CIITA: variants seen among roughly 807,000 people sequenced by gnomAD.
CIITA encodes class II major histocompatibility complex transactivator, also known as MHC class II transactivator.
In CIITA, 72 loss-of-function variants were observed where a neutral mutation model predicts 115.1. That is an observed-to-expected ratio of 0.63 (90% CI 0.52 to 0.76). The LOEUF (loss-of-function observed/expected upper bound fraction) is 0.76. Among genes scored for constraint, CIITA ranks in the 30% least tolerant of loss-of-function variants. CIITA has a pLI of 0.00. For missense variants in CIITA, 1,617 were observed against 1,463.8 expected, an observed-to-expected ratio of 1.10 and a Z score of -1.71; for synonymous variants, 763 against 635.6, an observed-to-expected ratio of 1.20 and a Z score of -3.02.
chr16:10,887,058 C>G (rs1458234715), intron 1 of CIITA, among the ~76,000 whole-genome samples: 1 of 152,158 alleles, frequency 6.6e-6, no homozygotes, highest in African/African-American at 2.4e-5. Flanking sequence ...AGAGATGTTT[C>G]TTAGAGTTTA....
At chr16:10,883,644 G>A (rs144990057) in intron 1 of CIITA, among the ~76,000 whole-genome samples, 12 of 152,178 alleles carry the variant, frequency 7.9e-5, no homozygotes, top group African/African-American at 1.4e-4. Context: ...GGATTTCCAC[G>A]TCCCTCTTGG....
At chr16:10,866,715 A>C in intron 1 of CIITA, 1 of 376,284 alleles carries the variant, frequency 2.7e-6, no homozygotes, top group Admixed American at 3.7e-5. Flanking sequence ...GGAGCAGTGA[A>C]AACTTGGAGC....
Position 10,923,409 on chromosome 16 carries a change from C to T in CIITA, c.*22+84C>T, listed in dbSNP as rs974879501. 121 of 1,122,480 alleles carry T rather than the reference C, an allele frequency of 1.1e-4. No individual in the cohort carries two copies. In the Middle Eastern group the frequency reaches 1.5e-3, roughly 13 times the overall value. The allele number at this position is 1,122,480 out of a possible 1,614,324, so 69.5% of individuals were successfully genotyped here. The stretch of plus-strand genomic sequence containing the variant: ...GAAGGTGGCATTCAAAAAATGTGGG[C>T]GGGACACAGGTGGGGCTAGGCCACC... On this transcript the variant is annotated intron_variant, in intron 19 of 19. Coordinates refer to ENST00000324288, the MANE Select transcript of CIITA (RefSeq NM_000246.4). This position sits in a 1 kb window ranked among gnomAD's most constrained non-coding sequence, Gnocchi z 5.2.
chr16:10,880,501 A>T (rs2036316393), intron 1 of CIITA, among the ~76,000 whole-genome samples: 1 of 152,166 alleles, frequency 6.6e-6, no homozygotes, highest in African/African-American at 2.4e-5. Flanking sequence ...GCTTAACGCC[A>T]CATAGCAAGC....
rs147557857 is a variant in CIITA at position 10,879,049 on chromosome 16, G to A, written c.52+1667G>A. 23 of 211,668 alleles carry A rather than the reference G, an allele frequency of 1.1e-4. No individual in the cohort carries two copies. In the East Asian group the frequency reaches 1.6e-3, roughly 15 times the overall value. The allele number at this position is 211,668 out of a possible 1,614,324, so 13.1% of individuals were successfully genotyped here. On this transcript the variant is annotated intron_variant, in intron 1 of 19. Transcript: ENST00000324288. The surrounding 1 kb of genome is among the most constrained non-coding windows in gnomAD (Gnocchi z 4.3). ...GGGAGCCCGGGGAACAGCGGTAGGTGACCAAAGTCTCCTCTGTAACCCCTA... is the reference window on the plus strand; with the variant it reads ...GGGAGCCCGGGGAACAGCGGTAGGTAACCAAAGTCTCCTCTGTAACCCCTA...
In CIITA at chr16:10,903,758, C is replaced by A. The variant is rs1177628564; in HGVS notation, c.800C>A (p.Pro267His). The change falls in exon 9 of 20, where the codon CCC becomes CAC. Residue 267 changes from proline (P) to histidine (H), a missense_variant. Physicochemically the swap from Pro to His is moderately conservative, Grantham distance 77. Transcript: ENST00000324288. Reference protein sequence around the residue: ...HGEVPQASQVPPPSGFTVHGL... With the variant: ...HGEVPQASQVHPPSGFTVHGL... ...GAGGTGCCCCAGGCCAGCCAAGTAC[C>A]CCCTCCCAGTGGATTCACTGTCCAC... is the stretch of plus-strand genomic sequence containing the variant. The A allele has an allele frequency of 1.2e-6, 2 of 1,614,116 alleles. No individual in the cohort carries two copies. Among genetic ancestry groups the A allele is most frequent in the Non-Finnish European group, 1.7e-6 (2 of 1,180,012 alleles).
intron 1 of CIITA, among the ~76,000 whole-genome samples, chr16:10,870,379 G>A (rs377347754): frequency 2.6e-5 from 4 of 152,128 alleles, no homozygotes; most frequent in South Asian, 4.1e-4. Flanking sequence ...TAGGGGTTTC[G>A]CTCTGTGCTA....
intron 5 of CIITA, 77 bp downstream of exon 5, chr16:10,899,079 G>T: frequency 7.1e-7 from 1 of 1,417,468 alleles, no homozygotes; most frequent in Non-Finnish European, 1.0e-6. Flanking sequence ...CCTGCTGTGG[G>T]TCCAACTTGC....
intron 8 of CIITA, among the ~76,000 whole-genome samples, chr16:10,903,173 T>C (rs1336882258): frequency 6.6e-6 from 1 of 152,220 alleles, no homozygotes; most frequent in Admixed American, 6.5e-5. Flanking sequence ...TCTCACTCTT[T>C]TAGTATACTG....
intron 13 of CIITA, chr16:10,915,135 C>T: frequency 2.3e-6 from 1 of 434,968 alleles, no homozygotes; most frequent in African/African-American, 2.0e-5. Flanking sequence ...ACTGCATCCT[C>T]CACCTCCTGG....
In CIITA at chr16:10,902,705, C is replaced by A. The variant is rs757438915; in HGVS notation, c.676C>A (p.Pro226Thr). Reference sequence around the variant, plus strand: ...GAGCTGCCTGAATCTCCCTGAGGGACCCATCCAGTTTGTCCCCACCATCTC... The same window carrying A: ...GAGCTGCCTGAATCTCCCTGAGGGAACCATCCAGTTTGTCCCCACCATCTC... ...SLSCLNLPEGPIQFVPTISTL... is the reference protein window; with the variant it reads ...SLSCLNLPEGTIQFVPTISTL... The change falls in exon 8 of 20, where the codon CCC becomes ACC. Residue 226 changes from proline (P) to threonine (T), a missense_variant. By Grantham distance (38) the Pro-to-Thr change is conservative. Transcript: ENST00000324288. 1.2e-6 allele frequency: 2 copies of A among 1,614,234 alleles called. No homozygotes were observed. The highest frequency in any genetic ancestry group is 4.5e-5 in the East Asian group (2 of 44,884).
chr16:10,878,035 C>T (rs1483116472), intron 1 of CIITA, among the ~76,000 whole-genome samples: 3 of 152,094 alleles, frequency 2.0e-5, no homozygotes, highest in African/African-American at 7.2e-5. Flanking sequence ...AGTCAATTTT[C>T]CTGGAGTGTA....
In CIITA at chr16:10,904,609, T is replaced by G. The variant is rs78037114; in HGVS notation, c.938-135T>G. The G allele has an allele frequency of 1.7e-3, 1,443 of 859,498 alleles. 17 individuals are homozygous for G. The African/African-American group carries it at 0.022, about 13-fold the overall frequency. The allele number at this position is 859,498 out of a possible 1,614,324, so 53.2% of individuals were successfully genotyped here. A position where few individuals can be genotyped will look rare whatever the true frequency, so the allele number is the denominator to read the frequency against. On this transcript the variant is annotated intron_variant, in intron 9 of 19. Transcript: ENST00000324288. ...AGACATATTTGAGTTAGATACAGCCTCAGGCCGCTATCTTATAACCTCCAT... is the reference window on the plus strand; with the variant it reads ...AGACATATTTGAGTTAGATACAGCCGCAGGCCGCTATCTTATAACCTCCAT...
At chr16:10,882,151 C>T (rs906655792) in intron 1 of CIITA, among the ~76,000 whole-genome samples, 1 of 152,164 alleles carries the variant, frequency 6.6e-6, no homozygotes, top group Non-Finnish European at 1.5e-5. Flanking sequence ...CTGTCTGACT[C>T]CCCGCTTTCA....
Position 10,925,705 on chromosome 16 carries a change from T to TAC in CIITA, c.*1858_*1859dup, listed in dbSNP as rs1160484553. Reference sequence around the variant, plus strand: ...ATGTGCACATGCACGTGTGTGCACGTACACACACATACACACACACGCGTG... The same window carrying TAC: ...ATGTGCACATGCACGTGTGTGCACGTACACACACACATACACACACACGCGTG... On this transcript the variant is annotated 3_prime_UTR_variant, in exon 20 of 20. Coordinates refer to ENST00000324288, the MANE Select transcript of CIITA (RefSeq NM_000246.4). 2.0e-5 allele frequency: 3 copies of TAC among 152,280 alleles called. No individual in the cohort carries two copies. The highest frequency in any genetic ancestry group is 4.4e-5 in the Non-Finnish European group (3 of 68,058). The allele number at this position is 152,280 out of a possible 1,614,324, so 9.4% of individuals were successfully genotyped here.
At chr16:10,915,057 T>C (rs1271842886) in intron 13 of CIITA, 2 of 455,908 alleles carry the variant, frequency 4.4e-6, no homozygotes, top group African/African-American at 4.0e-5. Context: ...CTTTTTTTGT[T>C]TTTTTTCTTT....
At position 10,942,723 on chromosome 16, in the gene CIITA, A is replaced by C. The variant is rs2041129864; in HGVS notation, n.1849A>C. Reference sequence around the variant, plus strand: ...TGAACACAGTTCAAACCTAGACATAATGCTAAGGCCGCAAAAGCCGAAGGA... The same window carrying C: ...TGAACACAGTTCAAACCTAGACATACTGCTAAGGCCGCAAAAGCCGAAGGA... On this transcript the variant is annotated non_coding_transcript_exon_variant, in exon 2 of 2. Transcript: ENST00000573379. The surrounding 1 kb of genome is among the most constrained non-coding windows in gnomAD (Gnocchi z 5.0). 6.6e-6 allele frequency: 1 copy of C among 152,236 alleles called. No individual in the cohort carries two copies. The highest frequency in any genetic ancestry group is 2.4e-5 in the African/African-American group (1 of 41,458). 9.4% of individuals were successfully genotyped at this position (152,236 alleles called of 1,614,324 possible).
At chr16:10,898,036 C>T (rs1283433886) in intron 3 of CIITA, among the ~76,000 whole-genome samples, 4 of 152,220 alleles carry the variant, frequency 2.6e-5, no homozygotes, top group African/African-American at 4.8e-5. Context: ...TTCTCCCAGA[C>T]TCTGCCTCAT....
intron 3 of CIITA, among the ~76,000 whole-genome samples, chr16:10,897,457 T>C (rs1055285044): frequency 2.0e-5 from 3 of 152,186 alleles, no homozygotes; most frequent in Non-Finnish European, 4.4e-5. Context: ...CACCTCTCAA[T>C]ACTGCCACAT....
Sources: allele counts gnomAD v4.1 joint callset (sites outside exome capture counted in the v4.1 genomes callset), GRCh38; gene constraint gnomAD v4.1.1; non-coding constraint Gnocchi (gnomAD v3.1); transcripts MANE v1.5; gene names NCBI Gene and HGNC (gene_info 2026-07-23, HGNC 2026-07-21).